SYNE1: variants seen among roughly 807,000 people sequenced by gnomAD.
SYNE1 encodes nesprin-1.
SYNE1 carries 616 observed loss-of-function variants against 1,111.0 expected under a neutral mutation model. The observed-to-expected ratio is 0.55, with a 90% CI of 0.52 to 0.59. SYNE1 has a LOEUF of 0.59. Among genes scored for constraint, SYNE1 ranks in the 20% least tolerant of loss-of-function variants. The probability of loss-of-function intolerance (pLI) is 0.00; values close to 1 mark genes in which losing one functional copy is unlikely to be tolerated. For synonymous variants in SYNE1, 3,855 were observed against 3,825.8 expected (o/e 1.01, Z -0.28); for missense variants, 10,006 against 10,417.0 (o/e 0.96, Z 1.72).
intron 38 of SYNE1, among the ~76,000 whole-genome samples, chr6:152,427,198 G>A (rs1246891408): frequency 2.2e-4 from 34 of 152,050 alleles, no homozygotes; most frequent in Admixed American, 2.2e-3. Flanking sequence ...CTACATTTGT[G>A]CTCATTCATT....
At chr6:152,194,348 GT>G (rs1232212302) in intron 127 of SYNE1, among the ~76,000 whole-genome samples, 1 of 152,138 alleles carries the variant, frequency 6.6e-6, no homozygotes, top group Non-Finnish European at 1.5e-5. Context: ...GTTCGGTAAG[GT>G]TTCCACTGAA....
chr6:152,337,028 C>A lies in SYNE1; in HGVS notation c.12352-11G>T. 6.2e-7 allele frequency: 1 copy of A among 1,612,130 alleles called. No individual in the cohort carries two copies. The highest frequency in any genetic ancestry group is 8.5e-7 in the Non-Finnish European group (1 of 1,179,604). ...AAGCTTTTGTTCAATCTTGAGAAAA[C>A]ACAGAGATAAAAGTTAGCAACCATA... On this transcript the variant is annotated splice_polypyrimidine_tract_variant and intron_variant, in intron 75 of 145. Transcript: ENST00000367255.
Position 152,331,531 on chromosome 6 carries a change from A to G in SYNE1, c.13154T>C (p.Met4385Thr), listed in dbSNP as rs755918453. ...PPPDMAQNLL[M>T]DHLAICSELE... ...TTCACTGCAGATGGCCAGGTGATCC[A>G]TGAGAAGGTTCTGAGCCATATCTGG... Residue 4385 changes from methionine (M) to threonine (T), a missense_variant, in exon 78 of 146, where the codon ATG becomes ACG. By Grantham distance (81) the Met-to-Thr change is moderately conservative (BLOSUM62 -1). Around this residue, in one of 7 missense-constraint regions of SYNE1, gnomAD observed 4,955 missense variants for 5,017.2 expected, o/e 0.99. Coordinates refer to ENST00000367255, the MANE Select transcript of SYNE1 (RefSeq NM_182961.4). 5 of 1,614,164 alleles carry G rather than the reference A, an allele frequency of 3.1e-6. No homozygotes were observed. The highest frequency in any genetic ancestry group is 3.3e-5 in the Admixed American group (2 of 60,024).
chr6:152,236,617 A>C (rs1266033811), intron 109 of SYNE1, among the ~76,000 whole-genome samples, 200 bp downstream of exon 109: 3 of 152,192 alleles, frequency 2.0e-5, no homozygotes, highest in Non-Finnish European at 4.4e-5. Flanking sequence ...TTTCAAAAAG[A>C]GCTCTCAGTA....
rs1486537394 is a variant in SYNE1, at chr6:152,239,367, G to A, written c.20067+166C>T. Among the ~76,000 whole-genome samples the A allele has an allele frequency of 3.9e-5, 6 of 152,260 alleles. No individual in the cohort carries two copies. The East Asian group carries it at 1.2e-3, about 29-fold the overall frequency. Reference sequence around the variant, plus strand: ...CCAATGTACACAGAAAACACAGGGGGAATAAGCAACACAGAACCATAGGAA... The same window carrying A: ...CCAATGTACACAGAAAACACAGGGGAAATAAGCAACACAGAACCATAGGAA... On this transcript the variant is annotated intron_variant, in intron 108 of 145. Transcript: ENST00000367255.
chr6:152,314,357 T>C (rs2095644085), intron 87 of SYNE1, among the ~76,000 whole-genome samples: 1 of 152,224 alleles, frequency 6.6e-6, no homozygotes, highest in Non-Finnish European at 1.5e-5. Context: ...GATTTCAGCA[T>C]ACATTTTTAT....
rs898884642 is a variant in SYNE1, at chr6:152,355,508, T to C, written c.10609-532A>G. On this transcript the variant is annotated intron_variant, in intron 66 of 145. Transcript: ENST00000367255. The stretch of plus-strand genomic sequence containing the variant: ...GTGCAGGGCACACAAACTTGGGAAA[T>C]TGGTTCATCACACCTGCCCACCAGG... Among the ~76,000 whole-genome samples the C allele has an allele frequency of 2.0e-5, 3 of 152,152 alleles. No homozygotes were observed. The South Asian group carries it at 6.2e-4, about 32-fold the overall frequency.
intron 3 of SYNE1, among the ~76,000 whole-genome samples, chr6:152,573,143 C>A (rs1412769851): frequency 1.3e-5 from 2 of 152,016 alleles, no homozygotes; most frequent in Non-Finnish European, 2.9e-5. Context: ...CTGGGCATTA[C>A]CTACTTGAGG....
intron 14 of SYNE1, among the ~76,000 whole-genome samples, chr6:152,479,927 C>T (rs149592692): frequency 8.4e-4 from 128 of 152,228 alleles, no homozygotes; most frequent in Non-Finnish European, 1.3e-3. Context: ...GTTGCCTATG[C>T]ATTAAGTGTT....
chr6:152,124,640 A>C (rs1159032274), intron 145 of SYNE1, among the ~76,000 whole-genome samples: 7 of 152,214 alleles, frequency 4.6e-5, no homozygotes, highest in Non-Finnish European at 2.9e-5. Context: ...TAGTGGTCAA[A>C]CTGATTAACT....
chr6:152,618,144 C>T (rs933572810), intron 3 of SYNE1, among the ~76,000 whole-genome samples: 10 of 152,116 alleles, frequency 6.6e-5, no homozygotes, highest in Admixed American at 2.0e-4. Context: ...TGAATTCCTA[C>T]GTTTCTGGAT....
At chr6:152,571,157 C>T (rs1206522336) in intron 3 of SYNE1, among the ~76,000 whole-genome samples, 1 of 152,144 alleles carries the variant, frequency 6.6e-6, no homozygotes, top group Non-Finnish European at 1.5e-5. Flanking sequence ...GTAAACATTA[C>T]CTTACAATGT....
intron 21 of SYNE1, among the ~76,000 whole-genome samples, chr6:152,460,349 C>A (rs1593160578): frequency 1.3e-5 from 2 of 152,244 alleles, no homozygotes. Flanking sequence ...ATGAACTGAA[C>A]ATAAACATTC....
chr6:152,327,100 C>T (rs572416991), intron 78 of SYNE1, among the ~76,000 whole-genome samples: 12 of 152,178 alleles, frequency 7.9e-5, no homozygotes, highest in African/African-American at 2.6e-4. Context: ...TGAGACCAGC[C>T]TGGCTAACAT....
intron 133 of SYNE1, among the ~76,000 whole-genome samples, chr6:152,152,409 A>T (rs2060595411): frequency 6.6e-6 from 1 of 152,186 alleles, no homozygotes; most frequent in South Asian, 2.1e-4. Context: ...ACATATATAG[A>T]CACACACACA....
chr6:152,458,718 G>A (rs1478692511), intron 22 of SYNE1, 39 bp downstream of exon 22: 2 of 1,605,332 alleles, frequency 1.2e-6, no homozygotes, highest in Non-Finnish European at 1.7e-6. Context: ...TGTTACACAT[G>A]CTTTAGAATA....
At chr6:152,202,046 G>T in intron 126 of SYNE1, 97 bp from the exon 127 acceptor site, 1 of 1,486,444 alleles carries the variant, frequency 6.7e-7, no homozygotes, top group Non-Finnish European at 9.2e-7. Flanking sequence ...CCCAGAGAAA[G>T]AATGAAAGTT....
intron 3 of SYNE1, among the ~76,000 whole-genome samples, chr6:152,609,873 G>C (rs574486409): frequency 6.6e-6 from 1 of 152,328 alleles, no homozygotes. Context: ...TGGACCTCCA[G>C]CAAACTCCAA....
At chr6:152,291,225 A>C (rs2094590557) in intron 95 of SYNE1, among the ~76,000 whole-genome samples, 2 of 105,458 alleles carry the variant, frequency 1.9e-5, no homozygotes, top group African/African-American at 7.3e-5. Flanking sequence ...TATTAATATG[A>C]TATATTAATA....
Sources: gnomAD v4.1 joint callset for allele counts (sites outside exome capture counted in the v4.1 genomes callset) on GRCh38, gnomAD v4.1.1 for gene constraint, gnomAD v4.1.1 regional missense constraint, MANE v1.5 for transcripts, NCBI Gene and HGNC (gene_info 2026-07-23, HGNC 2026-07-21) for gene names.